FDPS: variants seen among roughly 807,000 people sequenced by gnomAD.
The protein encoded by FDPS is farnesyl pyrophosphate synthase.
Under a neutral mutation model 49.5 loss-of-function variants are expected in FDPS, and 29 were observed. The observed-to-expected ratio is 0.59, with a 90% CI of 0.44 to 0.80. FDPS has a LOEUF of 0.80. Ranked by LOEUF, FDPS falls within the 30% of genes least tolerant of loss-of-function variation. The pLI, the probability that FDPS is intolerant of heterozygous loss-of-function variation, is 0.00. For synonymous variants in FDPS, 172 were observed against 206.4 expected (o/e 0.83, Z 1.43); for missense variants, 414 against 525.6 (o/e 0.79, Z 2.08).
Position 155,318,958 on chromosome 1 carries a change from C to G in FDPS, c.846+30C>G. ...GTGAGCCTCCTCACCCCTCTCTGCT[C>G]TGCTGATGGGGGCTTTTGGACAGCA... On this transcript the variant is annotated intron_variant, in intron 8 of 10. Transcript: ENST00000368356. The surrounding 1 kb of genome is among the most constrained non-coding windows in gnomAD (Gnocchi z 4.2). 6.5e-7 allele frequency: 1 copy of G among 1,529,732 alleles called. No homozygotes were observed. Among genetic ancestry groups the G allele is most frequent in the Non-Finnish European group, 9.1e-7 (1 of 1,104,182 alleles). The allele number at this position is 1,529,732 out of a possible 1,614,324, so 94.8% of individuals were successfully genotyped here.
intron 1 of FDPS, chr1:155,309,492 G>T: frequency 3.2e-6 from 1 of 307,724 alleles, no homozygotes; most frequent in Non-Finnish European, 6.0e-6. Flanking sequence ...CCCTAATCCT[G>T]GGGTACTTTA....
rs1414333607 is a variant in FDPS at position 155,308,944 on chromosome 1, A to C, written c.-23A>C. 2 of 155,116 alleles carry C rather than the reference A, an allele frequency of 1.3e-5. No individual in the cohort carries two copies. The highest frequency in any genetic ancestry group is 2.8e-5 in the Non-Finnish European group (2 of 70,550). The allele number at this position is 155,116 out of a possible 1,614,324, so 9.6% of individuals were successfully genotyped here. A position where few individuals can be genotyped will look rare whatever the true frequency, so the allele number is the denominator to read the frequency against. ...TACCCGCCAACAAGCGGGACCGAGCAGGAATCCGTATCTGGGAACAGGTGA... is the reference window on the plus strand; with the variant it reads ...TACCCGCCAACAAGCGGGACCGAGCCGGAATCCGTATCTGGGAACAGGTGA... On this transcript the variant is annotated 5_prime_UTR_variant, in exon 1 of 11. Coordinates refer to ENST00000368356, the MANE Select transcript of FDPS (RefSeq NM_002004.4).
rs573357630 is a variant in FDPS, at chr1:155,318,570, C to T, written c.685-95C>T. On this transcript the variant is annotated intron_variant, in intron 6 of 10. Coordinates refer to ENST00000368356, the MANE Select transcript of FDPS (RefSeq NM_002004.4). The surrounding 1 kb of genome is among the most constrained non-coding windows in gnomAD (Gnocchi z 4.2). ...CTTCTGTTGCCTTTCTGATTCTGCC[C>T]AGTTGTCAGCTGGTATGGGATGTTG... 3 of 1,020,684 alleles carry T rather than the reference C, an allele frequency of 2.9e-6. No individual in the cohort carries two copies. The highest frequency in any genetic ancestry group is 2.7e-5 in the South Asian group (2 of 75,464). 63.2% of individuals were successfully genotyped at this position (1,020,684 alleles called of 1,614,324 possible). A position where few individuals can be genotyped will look rare whatever the true frequency, so the allele number is the denominator to read the frequency against.
chr1:155,316,080 C>A (rs1043141646), intron 4 of FDPS, among the ~76,000 whole-genome samples: 1 of 151,374 alleles, frequency 6.6e-6, no homozygotes, highest in African/African-American at 2.4e-5. Context: ...CATGGTGAAA[C>A]CTTGTCTCTA....
intron 3 of FDPS, 97 bp downstream of exon 3, chr1:155,310,302 G>A (rs1648658979): frequency 9.7e-7 from 1 of 1,032,852 alleles, no homozygotes; most frequent in South Asian, 1.5e-5. Context: ...TTTGACAGAT[G>A]TGAGAGAAAG....
chr1:155,312,617 T>C, intron 4 of FDPS: 2 of 519,084 alleles, frequency 3.9e-6, no homozygotes, highest in Middle Eastern at 1.0e-3. Context: ...TTGTAGACAG[T>C]GTGGACTGGG....
chr1:155,316,087 T>C (rs1187367402), intron 4 of FDPS, among the ~76,000 whole-genome samples: 1 of 150,832 alleles, frequency 6.6e-6, no homozygotes, highest in Non-Finnish European at 1.5e-5. Context: ...AAACCTTGTC[T>C]CTACTAAAAA....
chr1:155,312,230 C>G (rs1648871825), intron 3 of FDPS, 25 bp from the exon 4 acceptor site: 9 of 1,612,598 alleles, frequency 5.6e-6, no homozygotes, highest in Non-Finnish European at 6.8e-6. Flanking sequence ...CCCTGATACC[C>G]TGTACCTCTT....
At chr1:155,319,157 A>G (rs148788397) in intron 8 of FDPS, among the ~76,000 whole-genome samples, 1 of 152,336 alleles carries the variant, frequency 6.6e-6, no homozygotes, top group East Asian at 1.9e-4. Context: ...ATAATAGGGG[A>G]ACAATATATC....
intron 4 of FDPS, among the ~76,000 whole-genome samples, chr1:155,314,461 G>A (rs981787828): frequency 2.6e-5 from 4 of 151,884 alleles, no homozygotes; most frequent in African/African-American, 9.7e-5. Context: ...TTACAGGCGT[G>A]AGCCACCACG....
intron 3 of FDPS, 145 bp from the exon 4 acceptor site, chr1:155,312,110 G>A: frequency 2.3e-6 from 2 of 882,906 alleles, no homozygotes; most frequent in Non-Finnish European, 3.6e-6. Flanking sequence ...AAAGACAGTA[G>A]CAATTCCAGA....
intron 4 of FDPS, chr1:155,317,601 T>A: frequency 5.1e-6 from 1 of 196,674 alleles, no homozygotes; most frequent in South Asian, 8.5e-5. Flanking sequence ...TTTGGGAGGC[T>A]GAGGCAGGAG....
chr1:155,310,265 G>A, intron 3 of FDPS, 60 bp downstream of exon 3: 1 of 1,539,848 alleles, frequency 6.5e-7, no homozygotes, highest in Non-Finnish European at 9.0e-7. Flanking sequence ...TACCTGTGTG[G>A]CATTCACCTG....
Position 155,318,183 on chromosome 1 carries a change from G to T in FDPS, c.576G>T (p.Leu192Phe), listed in dbSNP as rs746187600. 7.4e-6 allele frequency: 12 copies of T among 1,614,078 alleles called. No homozygotes were observed. The highest frequency in any genetic ancestry group is 1.0e-5 in the Non-Finnish European group (12 of 1,180,028). The change falls in exon 6 of 11, where the codon TTG (leucine) becomes TTT (phenylalanine). Residue 192 changes from leucine to phenylalanine, a missense_variant. Physicochemically the swap from Leu to Phe is conservative, Grantham distance 22. Transcript: ENST00000368356. This position sits in a 1 kb window ranked among gnomAD's most constrained non-coding sequence, Gnocchi z 4.2. Reference protein sequence around the residue: ...ICWYQKPGVGLDAINDANLLE... With the variant: ...ICWYQKPGVGFDAINDANLLE... ...TGTCATGACAGCCGGGCGTGGGTTTGGATGCCATCAATGATGCTAACCTCC... is the reference window on the plus strand; with the variant it reads ...TGTCATGACAGCCGGGCGTGGGTTTTGATGCCATCAATGATGCTAACCTCC...
Position 155,317,752 on chromosome 1 carries a change from GA to G in FDPS, c.481-188del. On this transcript the variant is annotated intron_variant, in intron 4 of 10. Coordinates refer to ENST00000368356, the MANE Select transcript of FDPS (RefSeq NM_002004.4). Reference sequence around the variant, plus strand: ...TCAGGAACTCAGGAAGCTGAAGTGGGAGGATCACTTGAGCCTGGGAGTTAGA... The same window carrying G: ...TCAGGAACTCAGGAAGCTGAAGTGGGGGATCACTTGAGCCTGGGAGTTAGA... The G allele has an allele frequency of 5.4e-6, 3 of 557,256 alleles. No homozygotes were observed. The South Asian group carries it at 6.7e-5, about 12-fold the overall frequency. 34.5% of individuals were successfully genotyped at this position (557,256 alleles called of 1,614,324 possible).
intron 4 of FDPS, among the ~76,000 whole-genome samples, chr1:155,315,719 T>C (rs1649291807): frequency 6.7e-6 from 1 of 148,928 alleles, no homozygotes; most frequent in African/African-American, 2.5e-5. Flanking sequence ...AAAAAAAAAT[T>C]AGCCAGGCGT....
intron 1 of FDPS, 58 bp from the exon 2 acceptor site, chr1:155,309,731 C>T (rs936042263): frequency 1.6e-5 from 22 of 1,411,372 alleles, no homozygotes; most frequent in Admixed American, 1.1e-4. Context: ...CATGCCTCTG[C>T]CTTTGGTGCT....
chr1:155,309,236 C>T (rs1209417448), intron 1 of FDPS: 3 of 152,324 alleles, frequency 2.0e-5, no homozygotes, highest in African/African-American at 7.2e-5. Flanking sequence ...TCTGCTCAGT[C>T]CTAGCGATTC....
chr1:155,320,172 T>A, intron 10 of FDPS: 1 of 644,292 alleles, frequency 1.6e-6, no homozygotes, highest in Non-Finnish European at 2.7e-6. Flanking sequence ...GGTCCCAAAT[T>A]TCAATAGTGC....
Sources: gnomAD v4.1 joint callset for allele counts (sites outside exome capture counted in the v4.1 genomes callset) on GRCh38, gnomAD v4.1.1 for gene constraint, Gnocchi (gnomAD v3.1) non-coding constraint, MANE v1.5 for transcripts, NCBI Gene and HGNC (gene_info 2026-07-23, HGNC 2026-07-21) for gene names.